The following OPA3 variants were observed in gnomAD, a reference collection of about 807,000 sequenced individuals.
OPA3 encodes outer mitochondrial membrane lipid metabolism regulator OPA3.
A neutral mutation model predicts 4.0 loss-of-function variants in OPA3; 6 were observed. That is an observed-to-expected ratio of 1.51 (90% CI 0.83 to 2.99). The LOEUF is 2.99. Among genes scored for constraint, OPA3 ranks in the 30% most tolerant of loss-of-function variants. The pLI is 0.00. For missense variants in OPA3, 235 were observed against 256.2 expected (o/e 0.92, Z 0.56); for synonymous variants, 105 against 117.1 (o/e 0.90, Z 0.67).
At chr19:45,569,496 G>A (rs939431153) in intron 1 of OPA3, among the ~76,000 whole-genome samples, 1 of 152,056 alleles carries the variant, frequency 6.6e-6, no homozygotes, top group African/African-American at 2.4e-5. Context: ...ACTTCAGTGC[G>A]TCTGATTACC....
chr19:45,553,945 G>T, intron 1 of OPA3, 34 bp from the exon 2 acceptor site: 1 of 1,562,774 alleles, frequency 6.4e-7, no homozygotes, highest in South Asian at 1.2e-5. Context: ...GCTGCGCTCT[G>T]GGAGCCCCCT....
chr19:45,529,974 C>T (rs113786104), intron 1 of OPA3, among the ~76,000 whole-genome samples: 12,211 of 152,104 alleles, frequency 0.08, 785 homozygotes, highest in East Asian at 0.21. Flanking sequence ...GCTCAAGCGA[C>T]CCTCCTGCCA....
chr19:45,529,718 CTCT>C (rs1279933497), intron 1 of OPA3, among the ~76,000 whole-genome samples: 1 of 152,072 alleles, frequency 6.6e-6, no homozygotes, highest in African/African-American at 2.4e-5. Flanking sequence ...GATGCTGATG[CTCT>C]TTTTTTTTCT....
rs930531316 is a variant in OPA3, at chr19:45,548,404, C to A, written c.*5110G>T. 1.0e-6 allele frequency: 1 copy of A among 985,456 alleles called. No homozygotes were observed. Among genetic ancestry groups the A allele is most frequent in the Non-Finnish European group, 1.2e-6 (1 of 830,040 alleles). The allele number at this position is 985,456 out of a possible 1,614,324, so 61.0% of individuals were successfully genotyped here. A position where few individuals can be genotyped will look rare whatever the true frequency, so the allele number is the denominator to read the frequency against. On this transcript the variant is annotated 3_prime_UTR_variant, in exon 2 of 2. Transcript: ENST00000263275. The stretch of plus-strand genomic sequence containing the variant: ...GAGGGGCACAGCCCTCAGGGCACCT[C>A]CCAGGGTTTTGTGAGCTGGGATGAA...
chr19:45,542,994 T>A (rs189802775), downstream of OPA3, among the ~76,000 whole-genome samples: 639 of 150,920 alleles, frequency 4.2e-3, 1 homozygote, highest in Non-Finnish European at 6.8e-3. Flanking sequence ...TTTTGTCTTA[T>A]TTTGTTTGTT....
intron 1 of OPA3, among the ~76,000 whole-genome samples, chr19:45,573,006 A>T (rs78563056): frequency 0.033 from 5,031 of 151,806 alleles, 172 homozygotes; most frequent in African/African-American, 0.083. Flanking sequence ...CTCAGCCTGC[A>T]ACTTCCAGGA....
chr19:45,539,442 A>G (rs1196472291), intron 1 of OPA3, among the ~76,000 whole-genome samples: 1 of 152,034 alleles, frequency 6.6e-6, no homozygotes, highest in East Asian at 1.9e-4. Context: ...AACATCACAA[A>G]AAAGTTTTAA....
intron 1 of OPA3, among the ~76,000 whole-genome samples, chr19:45,540,566 G>GAAAA (rs11290497): frequency 9.9e-6 from 1 of 100,782 alleles, no homozygotes. Context: ...GTCTCAGAAA[G>GAAAA]AAAAAAAAAA....
chr19:45,556,626 G>A (rs1312697960), intron 1 of OPA3, among the ~76,000 whole-genome samples: 1 of 152,188 alleles, frequency 6.6e-6, no homozygotes, highest in Non-Finnish European at 1.5e-5. Flanking sequence ...CCAAAGTACT[G>A]GGACGACAGG....
Position 45,553,196 on chromosome 19 carries a change from T to G in OPA3, c.*318A>C. ...GGTGGGGGTAACAATAACACATTGATTCAGCTCAAGACCAGGTTCCATTTT... is the reference window on the plus strand; with the variant it reads ...GGTGGGGGTAACAATAACACATTGAGTCAGCTCAAGACCAGGTTCCATTTT... On this transcript the variant is annotated 3_prime_UTR_variant, in exon 2 of 2. Transcript: ENST00000263275. 1.5e-6 allele frequency: 2 copies of G among 1,335,848 alleles called. No individual in the cohort carries two copies. Among genetic ancestry groups the G allele is most frequent in the Admixed American group, 3.2e-5 (1 of 31,124 alleles). 82.7% of individuals were successfully genotyped at this position (1,335,848 alleles called of 1,614,324 possible). A position where few individuals can be genotyped will look rare whatever the true frequency, so the allele number is the denominator to read the frequency against.
At chr19:45,580,293 C>CTT (rs539421587) in intron 1 of OPA3, among the ~76,000 whole-genome samples, 7 of 121,792 alleles carry the variant, frequency 5.7e-5, no homozygotes, top group African/African-American at 9.3e-5. Context: ...TGCACCCGGC[C>CTT]TTTTTTTTTT....
intron 1 of OPA3, among the ~76,000 whole-genome samples, chr19:45,582,161 A>T (rs561189113): frequency 6.7e-6 from 1 of 148,896 alleles, no homozygotes; most frequent in South Asian, 2.1e-4. Context: ...TTTTTATTTT[A>T]TTTTATTTTT....
At chr19:45,570,871 A>G (rs1055977295) in intron 1 of OPA3, among the ~76,000 whole-genome samples, 1 of 151,038 alleles carries the variant, frequency 6.6e-6, no homozygotes, top group African/African-American at 2.4e-5. Flanking sequence ...TCAAAAAAAA[A>G]AAAAAAAATT....
In OPA3 at chr19:45,550,744, T is replaced by A; in HGVS notation, c.*2770A>T. The A allele has an allele frequency of 1.0e-6, 1 of 985,900 alleles. No homozygotes were observed. The highest frequency in any genetic ancestry group is 1.2e-6 in the Non-Finnish European group (1 of 829,994). The allele number at this position is 985,900 out of a possible 1,614,324, so 61.1% of individuals were successfully genotyped here. A position where few individuals can be genotyped will look rare whatever the true frequency, so the allele number is the denominator to read the frequency against. On this transcript the variant is annotated 3_prime_UTR_variant, in exon 2 of 2. Transcript: ENST00000263275. The stretch of plus-strand genomic sequence containing the variant: ...TCTGTACCCATTGTGGAGATCCACA[T>A]GGTGGTTCAGGTACAGCCTCAGGAT...
rs371305726 is a variant in OPA3 at position 45,547,987 on chromosome 19, A to G, written c.*5527T>C. On this transcript the variant is annotated 3_prime_UTR_variant, in exon 2 of 2. Transcript: ENST00000263275. ...GCTGAGATTACAGGTGTGAGCCACC[A>G]CGCCTGGCCACTCTTTCCTTCTTTA... The G allele has an allele frequency of 2.0e-4, 94 of 461,792 alleles. No homozygotes were observed. The highest frequency in any genetic ancestry group is 1.9e-3 in the African/African-American group (90 of 46,964). 28.6% of individuals were successfully genotyped at this position (461,792 alleles called of 1,614,324 possible). A position where few individuals can be genotyped will look rare whatever the true frequency, so the allele number is the denominator to read the frequency against.
chr19:45,567,029 A>G (rs1353968644), intron 1 of OPA3, among the ~76,000 whole-genome samples: 1 of 152,178 alleles, frequency 6.6e-6, no homozygotes, highest in Non-Finnish European at 1.5e-5. Context: ...ACTTTTATTA[A>G]GAGTAATAAA....
intron 1 of OPA3, 74 bp downstream of exon 1, chr19:45,584,549 T>G: frequency 6.2e-7 from 1 of 1,611,598 alleles, no homozygotes; most frequent in Non-Finnish European, 8.5e-7. Context: ...TAGACAGAAG[T>G]CCATCCCCTA....
chr19:45,548,575 G>T lies in OPA3; in HGVS notation c.*4939C>A, dbSNP rs1281090791. ...TGTAAGACCCGGTGACGGCAGGGCTGGGGCTGTCTCTGTCACCACTGTGAC... is the reference window on the plus strand; with the variant it reads ...TGTAAGACCCGGTGACGGCAGGGCTTGGGCTGTCTCTGTCACCACTGTGAC... On this transcript the variant is annotated 3_prime_UTR_variant, in exon 2 of 2. Coordinates refer to ENST00000263275, the MANE Select transcript of OPA3 (RefSeq NM_025136.4). The T allele has an allele frequency of 1.0e-6, 1 of 985,280 alleles. No homozygotes were observed. The highest frequency in any genetic ancestry group is 1.2e-6 in the Non-Finnish European group (1 of 829,914). The allele number at this position is 985,280 out of a possible 1,614,324, so 61.0% of individuals were successfully genotyped here. A position where few individuals can be genotyped will look rare whatever the true frequency, so the allele number is the denominator to read the frequency against.
At chr19:45,564,706 T>C (rs1969557016) in intron 1 of OPA3, among the ~76,000 whole-genome samples, 1 of 152,198 alleles carries the variant, frequency 6.6e-6, no homozygotes, top group Non-Finnish European at 1.5e-5. Flanking sequence ...CCCAGACCCC[T>C]GCTTCTCTGT....
Sources: allele counts gnomAD v4.1 joint callset (sites outside exome capture counted in the v4.1 genomes callset), GRCh38; gene constraint gnomAD v4.1.1; transcripts MANE v1.5; gene names NCBI Gene and HGNC (gene_info 2026-07-23, HGNC 2026-07-21).